Variants in GRID2 observed in about 807,000 individuals in gnomAD.
GRID2 encodes glutamate receptor ionotropic, delta-2.
A neutral mutation model predicts 114.8 loss-of-function variants in GRID2; 33 were observed. The observed-to-expected ratio is 0.29, with a 90% CI of 0.22 to 0.38. GRID2 has a LOEUF of 0.38. Ranked by LOEUF, GRID2 falls within the 10% of genes least tolerant of loss-of-function variation. GRID2 has a pLI of 1.00. For missense variants in GRID2, 1,184 were observed against 1,257.7 expected (o/e 0.94, Z 0.89); for synonymous variants, 505 against 449.9 (o/e 1.12, Z -1.55).
intron 4 of GRID2, among the ~76,000 whole-genome samples, chr4:93,153,776 C>A (rs551288567): frequency 2.6e-5 from 4 of 152,186 alleles, no homozygotes; most frequent in African/African-American, 9.6e-5. Context: ...TTTTAGTTTT[C>A]TCATTTTATG....
intron 9 of GRID2, among the ~76,000 whole-genome samples, chr4:93,396,059 A>G (rs1579942944): frequency 6.6e-6 from 1 of 152,156 alleles, no homozygotes; most frequent in East Asian, 1.9e-4. Flanking sequence ...CATTGAAACT[A>G]TAAATGAACA....
chr4:92,923,651 T>C (rs1415299635), intron 2 of GRID2, among the ~76,000 whole-genome samples: 1 of 151,668 alleles, frequency 6.6e-6, no homozygotes, highest in East Asian at 1.9e-4. Context: ...AACTGGGGAG[T>C]AGATACATTA....
At position 92,813,384 on chromosome 4, in the gene GRID2, G is replaced by A. The variant is rs1292580285; in HGVS notation, c.244+223098G>A. On this transcript the variant is annotated intron_variant, in intron 2 of 15. Coordinates refer to ENST00000282020, the MANE Select transcript of GRID2 (RefSeq NM_001510.4). ...AGCAGAAAGAGAGCAAGCTATACAGGCGCTTAATTTCATTAATAGGTTCTA... is the reference window on the plus strand; with the variant it reads ...AGCAGAAAGAGAGCAAGCTATACAGACGCTTAATTTCATTAATAGGTTCTA... Among the ~76,000 whole-genome samples, 3 of 152,028 alleles carry A rather than the reference G, an allele frequency of 2.0e-5. 1 individual carries two copies. The highest frequency in any genetic ancestry group is 2.0e-4 in the Admixed American group (3 of 15,236).
At chr4:92,699,910 ATTTTG>A (rs1275135983) in intron 2 of GRID2, among the ~76,000 whole-genome samples, 1 of 152,174 alleles carries the variant, frequency 6.6e-6, no homozygotes, top group African/African-American at 2.4e-5. Context: ...TACACACATG[ATTTTG>A]TTAAGTATAC....
chr4:93,469,038 C>G (rs1724550885), intron 11 of GRID2, among the ~76,000 whole-genome samples: 1 of 152,068 alleles, frequency 6.6e-6, no homozygotes, highest in Non-Finnish European at 1.5e-5. Context: ...AGATCAGACA[C>G]ATATGGTTAT....
chr4:93,777,345 A>C (rs1301510412), downstream of GRID2, among the ~76,000 whole-genome samples: 1 of 152,244 alleles, frequency 6.6e-6, no homozygotes. Context: ...CATTGATGAC[A>C]AAACAAAAAT....
intron 2 of GRID2, among the ~76,000 whole-genome samples, chr4:92,817,669 A>G (rs1740999296): frequency 6.7e-6 from 1 of 150,004 alleles, no homozygotes; most frequent in Non-Finnish European, 1.5e-5. Flanking sequence ...GGATTTGTTG[A>G]TGGCTTCTTG....
intron 2 of GRID2, among the ~76,000 whole-genome samples, chr4:92,881,337 A>G (rs571839016): frequency 1.1e-4 from 17 of 152,276 alleles, no homozygotes; most frequent in Middle Eastern, 3.4e-3. Context: ...TCATGATGCC[A>G]TCTTCACCTC....
intron 4 of GRID2, among the ~76,000 whole-genome samples, chr4:93,193,549 T>A (rs139356248): frequency 6.6e-6 from 1 of 152,294 alleles, no homozygotes; most frequent in Non-Finnish European, 1.5e-5. Context: ...GTAAGTTTCC[T>A]GAGGCCTCCC....
intron 13 of GRID2, among the ~76,000 whole-genome samples, chr4:93,603,756 T>C (rs1205627948): frequency 1.3e-5 from 2 of 152,194 alleles, no homozygotes; most frequent in African/African-American, 4.8e-5. Context: ...GAAGATACTA[T>C]GGACCTTAAA....
At chr4:92,314,432 C>T (rs1394140664) in intron 1 of GRID2, among the ~76,000 whole-genome samples, 1 of 152,042 alleles carries the variant, frequency 6.6e-6, no homozygotes, top group Non-Finnish European at 1.5e-5. Flanking sequence ...TGAGTGCATT[C>T]TGTTATGAAT....
chr4:93,432,780 GGCC>G (rs1560614097), intron 10 of GRID2, among the ~76,000 whole-genome samples: 1 of 152,098 alleles, frequency 6.6e-6, no homozygotes, highest in Non-Finnish European at 1.5e-5. Flanking sequence ...TTGGTTCATT[GGCC>G]AGGCAAGGTG....
chr4:93,220,364 C>T (rs1048386067), intron 6 of GRID2, among the ~76,000 whole-genome samples: 2 of 151,930 alleles, frequency 1.3e-5, no homozygotes, highest in African/African-American at 4.8e-5. Flanking sequence ...AAAGTCTTGA[C>T]AGAGTGATGA....
At chr4:93,716,932 T>C (rs1225722459) in intron 14 of GRID2, among the ~76,000 whole-genome samples, 1 of 152,028 alleles carries the variant, frequency 6.6e-6, no homozygotes, top group Non-Finnish European at 1.5e-5. Context: ...ATAGTCAGGG[T>C]CAAAATAGAG....
intron 10 of GRID2, among the ~76,000 whole-genome samples, chr4:93,436,890 G>C (rs1169666282): frequency 6.6e-6 from 1 of 152,098 alleles, no homozygotes; most frequent in Non-Finnish European, 1.5e-5. Context: ...TATTGCAATG[G>C]AGAAGGGCAG....
At chr4:93,313,995 G>T (rs998784771) in intron 8 of GRID2, among the ~76,000 whole-genome samples, 3 of 152,010 alleles carry the variant, frequency 2.0e-5, no homozygotes, top group African/African-American at 4.8e-5. Flanking sequence ...ATTATATCTT[G>T]GAACTATTGT....
At chr4:92,575,855 G>C (rs921790064) in intron 1 of GRID2, among the ~76,000 whole-genome samples, 2 of 152,222 alleles carry the variant, frequency 1.3e-5, no homozygotes, top group Admixed American at 6.5e-5. Flanking sequence ...CCCTCCCAGA[G>C]AGAAATTAGA....
At chr4:92,545,692 A>C (rs1726215894) in intron 1 of GRID2, among the ~76,000 whole-genome samples, 1 of 152,288 alleles carries the variant, frequency 6.6e-6, no homozygotes, top group South Asian at 2.1e-4. Context: ...CCAACATATT[A>C]TTCTCAATAT....
At chr4:93,012,457 G>T (rs1031677249) in intron 2 of GRID2, among the ~76,000 whole-genome samples, 6 of 152,012 alleles carry the variant, frequency 3.9e-5, no homozygotes, top group Non-Finnish European at 8.8e-5. Context: ...CTGTACAACA[G>T]AATTAGTCTA....
Sources: allele counts gnomAD v4.1 joint callset (sites outside exome capture counted in the v4.1 genomes callset), GRCh38; gene constraint gnomAD v4.1.1; transcripts MANE v1.5; gene names NCBI Gene and HGNC (gene_info 2026-07-23, HGNC 2026-07-21).